DMD: variants seen among roughly 807,000 people sequenced by gnomAD.
DMD encodes mutant dystrophin.
Under a neutral mutation model 330.1 loss-of-function variants are expected in DMD, and 63 were observed. The observed-to-expected ratio is 0.19, with a 90% CI of 0.16 to 0.24. The LOEUF is 0.24. Among genes scored for constraint, DMD ranks in the 10% least tolerant of loss-of-function variants. The pLI is 1.00. For synonymous variants in DMD, 1,223 were observed against 959.8 expected (o/e 1.27, Z -5.07); for missense variants, 3,344 against 2,684.1 (o/e 1.25, Z -5.43).
At chrX:32,451,663 G>A (rs945906555) in intron 26 of DMD, among the ~76,000 whole-genome samples, 3 of 110,601 alleles carry the variant, frequency 2.7e-5, no homozygotes, top group Non-Finnish European at 5.7e-5. Context: ...TCTTCTTTGA[G>A]TATCAGGGAG....
At chrX:32,990,943 G>A (rs759128767) in intron 2 of DMD, among the ~76,000 whole-genome samples, 1 of 111,202 alleles carries the variant, frequency 9.0e-6, no homozygotes, top group East Asian at 2.8e-4. Context: ...AAAAGGTTGG[G>A]ATTACTGGAC....
intron 2 of DMD, among the ~76,000 whole-genome samples, chrX:33,014,257 G>A (rs761929955): frequency 5.9e-4 from 66 of 111,778 alleles, no homozygotes; most frequent in African/African-American, 1.8e-3. Context: ...TTAAATGGCT[G>A]TAGAGGCCAG....
chrX:32,472,127 C>T lies in DMD; in HGVS notation c.2949+37G>A, dbSNP rs72468674. The T allele has an allele frequency of 4.5e-4, 537 of 1,195,023 alleles. 1 individual carries two copies. In the African/African-American group the frequency reaches 8.6e-3, roughly 19 times the overall value. On this transcript the variant is annotated intron_variant, in intron 22 of 78. Coordinates refer to ENST00000357033, the MANE Select transcript of DMD (RefSeq NM_004006.3). ...TATATCAATGTGAATGCTTGATAAG[C>T]GTGCTTTATTGTTTTGACATTCAAA... is the stretch of plus-strand genomic sequence containing the variant.
intron 53 of DMD, among the ~76,000 whole-genome samples, chrX:31,668,519 A>C (rs1410506969): frequency 2.7e-5 from 3 of 110,815 alleles, no homozygotes; most frequent in Non-Finnish European, 5.7e-5. Context: ...TTTATGGGGT[A>C]CATGTATGTT....
At chrX:31,958,096 G>GTTT (rs745655022) in intron 45 of DMD, among the ~76,000 whole-genome samples, 22 of 74,554 alleles carry the variant, frequency 3.0e-4, no homozygotes, top group African/African-American at 7.3e-4. Flanking sequence ...CATTTGGCCT[G>GTTT]TTTTTTTTTT....
At chrX:33,117,429 A>C (rs898175261) in intron 1 of DMD, among the ~76,000 whole-genome samples, 1 of 111,762 alleles carries the variant, frequency 8.9e-6, no homozygotes, top group Non-Finnish European at 1.9e-5. Flanking sequence ...TGATTGTGAT[A>C]ATCATTTCAG....
Position 32,994,821 on chromosome X carries a change from A to G in DMD, c.93+25318T>C, listed in dbSNP as rs749690611. Among the ~76,000 whole-genome samples the G allele has an allele frequency of 5.3e-5, 6 of 112,616 alleles. No individual in the cohort carries two copies. The South Asian group carries it at 2.2e-3, about 41-fold the overall frequency. ...TAAATTACTCAACTGTTACTTGTTCATTAAAAATAAATAAATAAGGTCAGT... is the reference window on the plus strand; with the variant it reads ...TAAATTACTCAACTGTTACTTGTTCGTTAAAAATAAATAAATAAGGTCAGT... On this transcript the variant is annotated intron_variant, in intron 2 of 78. Transcript: ENST00000357033.
chrX:32,622,321 C>G (rs1237535785), intron 11 of DMD, among the ~76,000 whole-genome samples: 1 of 111,369 alleles, frequency 9.0e-6, no homozygotes, highest in African/African-American at 3.3e-5. Context: ...AGCACGAAAA[C>G]AAAAAGCATT....
chrX:33,330,417 T>G (rs2148963533), intron 1 of DMD, among the ~76,000 whole-genome samples: 1 of 111,902 alleles, frequency 8.9e-6, no homozygotes, highest in African/African-American at 3.2e-5. Context: ...TTGTAACCTC[T>G]GAGGTCTGAT....
chrX:32,424,064 T>A (rs1394702143), intron 29 of DMD, among the ~76,000 whole-genome samples: 1 of 111,172 alleles, frequency 9.0e-6, no homozygotes, highest in Non-Finnish European at 1.9e-5. Flanking sequence ...AGTGGGTTTC[T>A]TCCCCTCAAA....
intron 2 of DMD, among the ~76,000 whole-genome samples, chrX:32,986,901 T>G (rs62593421): frequency 0.032 from 3,552 of 112,435 alleles, 59 homozygotes; most frequent in South Asian, 0.093. Flanking sequence ...GGAATGGGAA[T>G]GCATTTTATT....
intron 2 of DMD, among the ~76,000 whole-genome samples, chrX:33,006,694 T>A (rs1390683072): frequency 3.6e-5 from 4 of 111,673 alleles, no homozygotes; most frequent in Admixed American, 9.5e-5. Flanking sequence ...TTGTTCCTTA[T>A]TTTTTAATAG....
chrX:32,707,076 A>T (rs900833864), intron 7 of DMD, among the ~76,000 whole-genome samples: 3 of 107,947 alleles, frequency 2.8e-5, no homozygotes, highest in Admixed American at 9.8e-5. Context: ...TGGGAAACAG[A>T]GCAAGACTCC....
At position 32,295,677 on chromosome X, in the gene DMD, G is replaced by T. The variant is rs993986999; in HGVS notation, c.6118-7976C>A. Among the ~76,000 whole-genome samples the T allele has an allele frequency of 1.3e-4, 14 of 111,887 alleles. No homozygotes were observed. The Admixed American group carries it at 1.3e-3, about 11-fold the overall frequency. ...ATAAAAGGAGAAGCCAGAGAATACA[G>T]AAAATTTATCTAGGAAACAAACAAG... On this transcript the variant is annotated intron_variant, in intron 42 of 78. Transcript: ENST00000357033.
chrX:33,084,441 G>A (rs1358456657), intron 1 of DMD, among the ~76,000 whole-genome samples: 1 of 112,168 alleles, frequency 8.9e-6, no homozygotes, highest in Non-Finnish European at 1.9e-5. Context: ...CAGGCATTCG[G>A]GGAACAGAGT....
chrX:31,743,929 T>C (rs1272172664), intron 51 of DMD, among the ~76,000 whole-genome samples: 1 of 110,899 alleles, frequency 9.0e-6, no homozygotes, highest in East Asian at 2.8e-4. Flanking sequence ...TGAACATGGC[T>C]TACTGCCGCC....
In DMD at chrX:31,915,445, T is replaced by C. The variant is rs1303538777; in HGVS notation, c.6912+14151A>G. 2.7e-5 allele frequency among the ~76,000 whole-genome samples: 3 copies of C among 111,743 alleles called. No individual in the cohort carries two copies. The East Asian group carries it at 8.4e-4, about 31-fold the overall frequency. ...ATGGAAACTTGGGGTATTTTTATTA[T>C]AGTAGCTCAGTCTACACCCTGAGAA... On this transcript the variant is annotated intron_variant, in intron 47 of 78. Coordinates refer to ENST00000357033, the MANE Select transcript of DMD (RefSeq NM_004006.3).
intron 44 of DMD, among the ~76,000 whole-genome samples, chrX:32,136,240 C>T (rs1210552775): frequency 8.9e-6 from 1 of 112,456 alleles, no homozygotes; most frequent in African/African-American, 3.2e-5. Context: ...ACTTCTGGTT[C>T]CCTCAGGTTT....
At chrX:32,604,342 A>T (rs1357760252) in intron 12 of DMD, among the ~76,000 whole-genome samples, 1 of 110,613 alleles carries the variant, frequency 9.0e-6, no homozygotes, top group Non-Finnish European at 1.9e-5. Context: ...ATTTGATAAA[A>T]TCCAGCCTCT....
Sources: gnomAD v4.1 joint callset for allele counts (sites outside exome capture counted in the v4.1 genomes callset) on GRCh38, gnomAD v4.1.1 for gene constraint, MANE v1.5 for transcripts, NCBI Gene and HGNC (gene_info 2026-07-23, HGNC 2026-07-21) for gene names.